The following KCNJ6 variants were observed in gnomAD, a reference collection of about 807,000 sequenced individuals.
The protein encoded by KCNJ6 is G protein-activated inward rectifier potassium channel 2.
KCNJ6 carries 9 observed loss-of-function variants against 34.2 expected under a neutral mutation model. The observed-to-expected ratio is 0.26, with a 90% confidence interval of 0.16 to 0.46. The LOEUF (loss-of-function observed/expected upper bound fraction) is 0.46, where lower values mean the gene tolerates loss of function less well. KCNJ6 is among the 20% of genes least tolerant of loss of function. KCNJ6 has a pLI of 1.00. For missense variants in KCNJ6, 236 were observed against 531.3 expected (o/e 0.44, Z 5.46); for synonymous variants, 196 against 207.1 (o/e 0.95, Z 0.46).
At chr21:37,674,921 A>G (rs1023455898) in intron 3 of KCNJ6, among the ~76,000 whole-genome samples, 1 of 152,148 alleles carries the variant, frequency 6.6e-6, no homozygotes, top group Non-Finnish European at 1.5e-5. Context: ...GAATGATTGA[A>G]TGAAAGAAAT....
At chr21:37,763,648 T>G (rs114911943) in intron 2 of KCNJ6, among the ~76,000 whole-genome samples, 1,738 of 152,314 alleles carry the variant, frequency 0.011, 23 homozygotes, top group African/African-American at 0.04. Flanking sequence ...GTTTGAGCCA[T>G]GTGTTCTAGA....
intron 2 of KCNJ6, among the ~76,000 whole-genome samples, chr21:37,724,638 T>A (rs1171002990): frequency 6.6e-6 from 1 of 152,170 alleles, no homozygotes; most frequent in Admixed American, 6.5e-5. Context: ...GAATGGATTT[T>A]GGATGGCAGA....
intron 2 of KCNJ6, among the ~76,000 whole-genome samples, chr21:37,763,314 G>A (rs574593252): frequency 1.3e-5 from 2 of 152,300 alleles, no homozygotes; most frequent in East Asian, 1.9e-4. Context: ...TGGTGGATGC[G>A]ATGATCTGTC....
intron 2 of KCNJ6, among the ~76,000 whole-genome samples, chr21:37,815,118 G>A (rs1490806132): frequency 6.6e-6 from 1 of 152,048 alleles, no homozygotes; most frequent in African/African-American, 2.4e-5. Flanking sequence ...AGACTGGGGA[G>A]GGTAGTGGGA....
At chr21:37,867,493 G>T (rs2055628475) in intron 1 of KCNJ6, among the ~76,000 whole-genome samples, 1 of 152,216 alleles carries the variant, frequency 6.6e-6, no homozygotes. Context: ...AATATCAAGA[G>T]ATGCTTTTAT....
chr21:37,667,969 AG>A lies in KCNJ6; in HGVS notation c.947-42486del, dbSNP rs754486302. Reference sequence around the variant, plus strand: ...CCAGAGCTCCTTGGAGCTTCTTAAAAGCGCAGGGGCCTGGGCTTTACTCCAC... The same window carrying A: ...CCAGAGCTCCTTGGAGCTTCTTAAAACGCAGGGGCCTGGGCTTTACTCCAC... On this transcript the variant is annotated intron_variant, in intron 3 of 3. Transcript: ENST00000609713. 1.6e-4 allele frequency among the ~76,000 whole-genome samples: 24 copies of A among 152,200 alleles called. No homozygotes were observed. In the Middle Eastern group the frequency reaches 0.01, roughly 65 times the overall value.
At chr21:37,774,418 A>G (rs1301360116) in intron 2 of KCNJ6, among the ~76,000 whole-genome samples, 1 of 151,988 alleles carries the variant, frequency 6.6e-6, no homozygotes, top group East Asian at 1.9e-4. Context: ...TTACATATGT[A>G]TACGTGTGCC....
intron 1 of KCNJ6, among the ~76,000 whole-genome samples, chr21:37,857,455 G>C (rs9974723): frequency 0.46 from 69,324 of 152,144 alleles, 16,819 homozygotes; most frequent in East Asian, 0.61. Flanking sequence ...GGAGGAAGCA[G>C]AGAGACAGAA....
At chr21:37,780,987 A>G (rs1285680365) in intron 2 of KCNJ6, among the ~76,000 whole-genome samples, 2 of 152,242 alleles carry the variant, frequency 1.3e-5, no homozygotes, top group African/African-American at 2.4e-5. Context: ...ATGTTCCAAC[A>G]AAGGGTCTTG....
chr21:37,876,880 T>G (rs551281819), intron 1 of KCNJ6, among the ~76,000 whole-genome samples: 1 of 152,262 alleles, frequency 6.6e-6, no homozygotes, highest in East Asian at 1.9e-4. Context: ...GAGGCAAGCT[T>G]GCTTCAACCA....
At chr21:37,889,187 T>C (rs1261281219) in intron 1 of KCNJ6, among the ~76,000 whole-genome samples, 1 of 152,128 alleles carries the variant, frequency 6.6e-6, no homozygotes, top group Non-Finnish European at 1.5e-5. Context: ...TCCCTAGATA[T>C]GGGGGCTTGT....
intron 2 of KCNJ6, among the ~76,000 whole-genome samples, chr21:37,752,704 C>G (rs552392076): frequency 2.6e-5 from 4 of 152,262 alleles, no homozygotes; most frequent in Non-Finnish European, 5.9e-5. Flanking sequence ...CAGACACATT[C>G]AAACAAATCT....
At chr21:37,785,284 C>CCACAA (rs2055187571) in intron 2 of KCNJ6, among the ~76,000 whole-genome samples, 1 of 152,184 alleles carries the variant, frequency 6.6e-6, no homozygotes, top group Admixed American at 6.5e-5. Flanking sequence ...AAAACTTCCA[C>CCACAA]AAGTGAGTTC....
chr21:37,861,931 C>T (rs2123602958), intron 1 of KCNJ6, among the ~76,000 whole-genome samples: 1 of 152,268 alleles, frequency 6.6e-6, no homozygotes, highest in East Asian at 1.9e-4. Context: ...GGTGTGGGTA[C>T]CCTGAGCTTC....
At chr21:37,814,318 A>G (rs1380572976) in intron 2 of KCNJ6, among the ~76,000 whole-genome samples, 1 of 152,244 alleles carries the variant, frequency 6.6e-6, no homozygotes, top group East Asian at 1.9e-4. Context: ...GAGCCCTTGT[A>G]TGCTGTTGGT....
chr21:37,708,883 C>A (rs1426401587), intron 3 of KCNJ6, among the ~76,000 whole-genome samples: 1 of 152,188 alleles, frequency 6.6e-6, no homozygotes, highest in Admixed American at 6.5e-5. Context: ...GCAGTCTTAT[C>A]TTTTCAAAGG....
chr21:37,700,047 A>G (rs190577083), intron 3 of KCNJ6, among the ~76,000 whole-genome samples: 21 of 152,114 alleles, frequency 1.4e-4, no homozygotes, highest in Admixed American at 1.4e-3. Context: ...TATTTTTTTC[A>G]TCCTTTTTAT....
chr21:37,761,265 TTGTG>T (rs376266186), intron 2 of KCNJ6, among the ~76,000 whole-genome samples: 1 of 151,168 alleles, frequency 6.6e-6, no homozygotes, highest in African/African-American at 2.5e-5. Flanking sequence ...TATATGTGTG[TTGTG>T]TGTGGTAGTG....
chr21:37,724,639 G>A (rs1409819369), intron 2 of KCNJ6, among the ~76,000 whole-genome samples: 1 of 152,176 alleles, frequency 6.6e-6, no homozygotes, highest in Non-Finnish European at 1.5e-5. Context: ...AATGGATTTT[G>A]GATGGCAGAG....
Sources: gnomAD v4.1 joint callset for allele counts (sites outside exome capture counted in the v4.1 genomes callset) on GRCh38, gnomAD v4.1.1 for gene constraint, MANE v1.5 for transcripts, NCBI Gene and HGNC (gene_info 2026-07-23, HGNC 2026-07-21) for gene names.